DGKH: variants seen among roughly 807,000 people sequenced by gnomAD.
The protein encoded by DGKH is diacylglycerol kinase eta.
In DGKH, 90 loss-of-function variants were observed where a neutral mutation model predicts 159.3. That is an observed-to-expected ratio of 0.57 (90% confidence interval 0.48 to 0.67). The LOEUF (loss-of-function observed/expected upper bound fraction) is 0.67, where lower values mean the gene tolerates loss of function less well. DGKH is among the 30% of genes least tolerant of loss of function. The probability of loss-of-function intolerance (pLI) is 0.00; values close to 1 mark genes in which losing one functional copy is unlikely to be tolerated. For missense variants in DGKH, 1,181 were observed against 1,506.1 expected (o/e 0.78, Z 3.57); for synonymous variants, 536 against 553.8 (o/e 0.97, Z 0.45).
At chr13:42,095,532 C>T (rs1041755947) in intron 1 of DGKH, among the ~76,000 whole-genome samples, 1 of 152,048 alleles carries the variant, frequency 6.6e-6, no homozygotes, top group Admixed American at 6.6e-5. Context: ...GAGTTAGGAG[C>T]TGTGTTTTTA....
At chr13:42,165,728 T>C (rs1027987363) in intron 8 of DGKH, among the ~76,000 whole-genome samples, 1 of 148,226 alleles carries the variant, frequency 6.7e-6, no homozygotes, top group Non-Finnish European at 1.5e-5. Flanking sequence ...CTGAAAAGGT[T>C]AATTTTTATA....
downstream of DGKH, among the ~76,000 whole-genome samples, chr13:42,244,558 CTGAG>C (rs1224534267): frequency 6.6e-6 from 1 of 152,226 alleles, no homozygotes; most frequent in African/African-American, 2.4e-5. Flanking sequence ...GTATCTAGCA[CTGAG>C]TAACAATAAT....
intron 3 of DGKH, among the ~76,000 whole-genome samples, chr13:42,131,439 G>A (rs1241056180): frequency 6.6e-6 from 1 of 152,168 alleles, no homozygotes; most frequent in African/African-American, 2.4e-5. Flanking sequence ...GCATTGAACG[G>A]GAGACAGAAA....
At chr13:42,053,899 C>T (rs969770622) in intron 1 of DGKH, among the ~76,000 whole-genome samples, 4 of 152,184 alleles carry the variant, frequency 2.6e-5, no homozygotes, top group East Asian at 1.9e-4. Flanking sequence ...GGATTACAGG[C>T]GTGAGCCACC....
chr13:42,058,276 T>A (rs999819343), intron 1 of DGKH, among the ~76,000 whole-genome samples: 1 of 152,240 alleles, frequency 6.6e-6, no homozygotes, highest in Non-Finnish European at 1.5e-5. Context: ...TTCTTTCTCA[T>A]TGATGTTATA....
chr13:42,102,822 G>T (rs1954676762), intron 1 of DGKH, among the ~76,000 whole-genome samples: 1 of 152,200 alleles, frequency 6.6e-6, no homozygotes, highest in Admixed American at 6.5e-5. Flanking sequence ...GTTCATTCAG[G>T]ACAAGAAATG....
At chr13:42,248,164 G>T (rs1161333022) in intron 29 of DGKH, among the ~76,000 whole-genome samples, 1 of 152,114 alleles carries the variant, frequency 6.6e-6, no homozygotes, top group African/African-American at 2.4e-5. Flanking sequence ...CCTTTAGCCT[G>T]TAATCCCAGC....
intron 5 of DGKH, among the ~76,000 whole-genome samples, chr13:42,157,176 A>G (rs1362875434): frequency 1.3e-5 from 2 of 152,186 alleles, no homozygotes; most frequent in African/African-American, 4.8e-5. Flanking sequence ...ATGATTGCAA[A>G]AGAGATCTGA....
chr13:42,067,637 T>C (rs1882673568), intron 1 of DGKH, among the ~76,000 whole-genome samples: 1 of 152,168 alleles, frequency 6.6e-6, no homozygotes, highest in Non-Finnish European at 1.5e-5. Flanking sequence ...TAATTAATTA[T>C]TGCCACAACT....
intron 1 of DGKH, among the ~76,000 whole-genome samples, chr13:42,101,524 G>A (rs1359995765): frequency 6.6e-6 from 1 of 152,230 alleles, no homozygotes; most frequent in Non-Finnish European, 1.5e-5. Context: ...ATCAGACAGT[G>A]CAGACAACGA....
intron 21 of DGKH, among the ~76,000 whole-genome samples, chr13:42,207,329 A>G (rs1377425280): frequency 6.6e-6 from 1 of 151,242 alleles, no homozygotes; most frequent in Non-Finnish European, 1.5e-5. Context: ...AGCTGGGACT[A>G]CAGGCACACA....
At chr13:42,171,430 C>A (rs1464831339) in intron 11 of DGKH, among the ~76,000 whole-genome samples, 3 of 152,184 alleles carry the variant, frequency 2.0e-5, no homozygotes, top group Admixed American at 6.5e-5. Context: ...ATATGCACCT[C>A]TTCCTCACTT....
Position 42,217,811 on chromosome 13 carries a change from C to T in DGKH, c.3214-1419C>T, listed in dbSNP as rs756720863. 2.2e-4 allele frequency among the ~76,000 whole-genome samples: 34 copies of T among 152,070 alleles called. 1 individual carries two copies. The highest frequency in any genetic ancestry group is 4.4e-5 in the Non-Finnish European group (3 of 68,012). Reference sequence around the variant, plus strand: ...CACTTTGGGAGGCTGAGGCAGGCAGCTCATTGTAGACCAGGAGTTTGAGAC... The same window carrying T: ...CACTTTGGGAGGCTGAGGCAGGCAGTTCATTGTAGACCAGGAGTTTGAGAC... On this transcript the variant is annotated intron_variant, in intron 26 of 29. Coordinates refer to ENST00000337343, the MANE Select transcript of DGKH (RefSeq NM_178009.5).
rs76113242 is a variant in DGKH, at chr13:42,087,329, A to G, written c.192+38364A>G. The stretch of plus-strand genomic sequence containing the variant: ...GTGTATCCCACTACAAAGCCTGACA[A>G]TATTTAAAGGAATACAACAAAATCC... On this transcript the variant is annotated intron_variant, in intron 1 of 29. Coordinates refer to ENST00000337343, the MANE Select transcript of DGKH (RefSeq NM_178009.5). Among the ~76,000 whole-genome samples, 860 of 152,318 alleles carry G rather than the reference A, an allele frequency of 5.6e-3. 9 individuals are homozygous for G. The highest frequency in any genetic ancestry group is 0.047 in the East Asian group (245 of 5,188).
chr13:42,047,188 G>A (rs1452087396), upstream of DGKH, among the ~76,000 whole-genome samples: 2 of 152,134 alleles, frequency 1.3e-5, no homozygotes, highest in Non-Finnish European at 2.9e-5. Context: ...TTAAATATTT[G>A]AACTAAACAC....
chr13:42,198,613 C>T lies in DGKH; in HGVS notation c.2285+18C>T, dbSNP rs1263680550. 3 of 1,565,396 alleles carry T rather than the reference C, an allele frequency of 1.9e-6. No individual in the cohort carries two copies. Among genetic ancestry groups the T allele is most frequent in the Non-Finnish European group, 2.6e-6 (3 of 1,150,904 alleles). On this transcript the variant is annotated intron_variant, in intron 18 of 29. Transcript: ENST00000337343. Reference sequence around the variant, plus strand: ...GATTCCGTGTAAGAAAATGCTTTTGCAAATATTTTGTTTGGGTTTTTCTTG... The same window carrying T: ...GATTCCGTGTAAGAAAATGCTTTTGTAAATATTTTGTTTGGGTTTTTCTTG...
At chr13:42,155,449 A>G in intron 4 of DGKH, 54 bp downstream of exon 4, 1 of 1,552,636 alleles carries the variant, frequency 6.4e-7, no homozygotes. Context: ...AATGTTAACC[A>G]AAGGGCTAGA....
At chr13:42,100,374 T>C (rs1954630380) in intron 1 of DGKH, among the ~76,000 whole-genome samples, 1 of 152,184 alleles carries the variant, frequency 6.6e-6, no homozygotes, top group Admixed American at 6.5e-5. Flanking sequence ...TATTTTATTA[T>C]ATATTACAAT....
At chr13:42,254,298 A>G (rs1366484687) in intron 30 of DGKH, among the ~76,000 whole-genome samples, 1 of 152,188 alleles carries the variant, frequency 6.6e-6, no homozygotes, top group Admixed American at 6.5e-5. Flanking sequence ...ACAAATCATG[A>G]TGCATTTATT....
Sources: allele counts gnomAD v4.1 joint callset (sites outside exome capture counted in the v4.1 genomes callset), GRCh38; gene constraint gnomAD v4.1.1; transcripts MANE v1.5; gene names NCBI Gene and HGNC (gene_info 2026-07-23, HGNC 2026-07-21).